Variants in PSMD1 observed in about 807,000 individuals in gnomAD.
The protein encoded by PSMD1 is 26S proteasome non-ATPase regulatory subunit 1.
A neutral mutation model predicts 119.0 loss-of-function variants in PSMD1; 18 were observed. The observed-to-expected ratio is 0.15, with a 90% confidence interval of 0.10 to 0.22. The LOEUF (loss-of-function observed/expected upper bound fraction) is 0.22, where lower values mean the gene tolerates loss of function less well. PSMD1 is among the 10% of genes least tolerant of loss of function. The pLI is 1.00. For missense variants in PSMD1, 702 were observed against 1,158.5 expected (o/e 0.61, Z 5.72); for synonymous variants, 374 against 396.6 (o/e 0.94, Z 0.68).
intron 16 of PSMD1, among the ~76,000 whole-genome samples, chr2:231,105,763 A>T (rs544129840): frequency 6.6e-6 from 1 of 152,276 alleles, no homozygotes; most frequent in South Asian, 2.1e-4. Flanking sequence ...GATCCTCATA[A>T]TTTGAAGAAA....
At chr2:231,127,071 C>T (rs1695741762) in intron 16 of PSMD1, among the ~76,000 whole-genome samples, 1 of 151,878 alleles carries the variant, frequency 6.6e-6, no homozygotes, top group African/African-American at 2.4e-5. Flanking sequence ...AAAACTTTGC[C>T]TCTCCCCCTT....
chr2:231,090,966 G>T lies in PSMD1; in HGVS notation c.1883+3785G>T, dbSNP rs1226702079. Among the ~76,000 whole-genome samples the T allele has an allele frequency of 3.3e-5, 5 of 152,274 alleles. No individual in the cohort carries two copies. In the East Asian group the frequency reaches 5.8e-4, roughly 18 times the overall value. ...GCTGTCGACATTGTTGAAATGTTAG[G>T]TGTAGGAAAAAATAAAAAAGAAGTA... On this transcript the variant is annotated intron_variant, in intron 16 of 24. Coordinates refer to ENST00000308696, the MANE Select transcript of PSMD1 (RefSeq NM_002807.4).
intron 16 of PSMD1, among the ~76,000 whole-genome samples, chr2:231,123,027 A>G (rs996781007): frequency 6.6e-6 from 1 of 152,288 alleles, no homozygotes; most frequent in East Asian, 1.9e-4. Flanking sequence ...AACCCAGCGC[A>G]TATCTGTCCC....
At chr2:231,114,673 A>G (rs1234747969) in intron 16 of PSMD1, among the ~76,000 whole-genome samples, 1 of 152,194 alleles carries the variant, frequency 6.6e-6, no homozygotes, top group African/African-American at 2.4e-5. Context: ...AAACTCTTAT[A>G]AAACACTGCA....
intron 1 of PSMD1, among the ~76,000 whole-genome samples, chr2:231,057,626 C>G (rs1323112196): frequency 6.6e-6 from 1 of 152,224 alleles, no homozygotes; most frequent in African/African-American, 2.4e-5. Context: ...TAAAGACGCC[C>G]TGGAGATACC....
chr2:231,060,384 C>T (rs1231221677), intron 1 of PSMD1: 1 of 152,230 alleles, frequency 6.6e-6, no homozygotes, highest in African/African-American at 2.4e-5. Context: ...GTTGCCTTGA[C>T]ACTTTTTAAT....
At chr2:231,075,982 CTT>C (rs1694153859) in intron 8 of PSMD1, among the ~76,000 whole-genome samples, 2 of 152,056 alleles carry the variant, frequency 1.3e-5, no homozygotes, top group Non-Finnish European at 2.9e-5. Flanking sequence ...TCTATACATG[CTT>C]TTATTAAAGT....
chr2:231,082,507 C>G (rs2125172376), intron 12 of PSMD1, among the ~76,000 whole-genome samples: 1 of 152,272 alleles, frequency 6.6e-6, no homozygotes, highest in South Asian at 2.1e-4. Flanking sequence ...AAGTTACAGA[C>G]CAGCCTGGCC....
At chr2:231,097,645 G>A (rs1032450346) in intron 16 of PSMD1, among the ~76,000 whole-genome samples, 16 of 151,856 alleles carry the variant, frequency 1.1e-4, no homozygotes, top group Non-Finnish European at 1.6e-4. Flanking sequence ...CATTTTTATT[G>A]TCACCCACCA....
chr2:231,077,104 A>T lies in PSMD1; in HGVS notation c.1013A>T (p.His338Leu). The change falls in exon 9 of 25, where the codon CAT (histidine) becomes CTT (leucine). Residue 338 changes from histidine (H) to leucine (L), a missense_variant. This residue lies in a region of PSMD1 where 272 missense variants were observed against 511.6 expected (regional missense o/e 0.53). Transcript: ENST00000308696. ...AGTGGTGAAATGGCTATTGAGTTAC[A>T]TCTGCAGTTCTTAATACGAAACAAT... ...ILSGEMAIEL[H>L]LQFLIRNNNT... The T allele has an allele frequency of 3.1e-6, 5 of 1,598,734 alleles. No homozygotes were observed. Among genetic ancestry groups the T allele is most frequent in the Non-Finnish European group, 4.3e-6 (5 of 1,168,850 alleles).
intron 21 of PSMD1, among the ~76,000 whole-genome samples, chr2:231,164,086 G>A (rs148448685): frequency 1.3e-3 from 191 of 151,998 alleles, no homozygotes; most frequent in African/African-American, 4.3e-3. Context: ...TCCCAGAGCT[G>A]CAAAACAATG....
chr2:231,113,814 G>A (rs1298572891), intron 16 of PSMD1: 4 of 1,613,984 alleles, frequency 2.5e-6, no homozygotes, highest in Admixed American at 3.3e-5. Context: ...GCTTTTTGAT[G>A]GCTATGTAAC....
chr2:231,141,507 G>C (rs962990346), intron 17 of PSMD1, among the ~76,000 whole-genome samples: 1 of 146,650 alleles, frequency 6.8e-6, no homozygotes, highest in Non-Finnish European at 1.5e-5. Context: ...ATAGCTCACT[G>C]CAGCCTCAAT....
At chr2:231,108,360 A>C (rs1401224171) in intron 16 of PSMD1, 1 of 618,246 alleles carries the variant, frequency 1.6e-6, no homozygotes, top group Non-Finnish European at 2.8e-6. Context: ...AATCTTGTCC[A>C]AATTAGGAAA....
chr2:231,145,051 TA>T (rs1696220885), intron 17 of PSMD1, among the ~76,000 whole-genome samples: 2 of 152,236 alleles, frequency 1.3e-5, no homozygotes, highest in South Asian at 4.1e-4. Flanking sequence ...GAAATTTAAG[TA>T]AAGCATGACC....
Position 231,087,055 on chromosome 2 carries a change from A to G in PSMD1, c.1819-62A>G, listed in dbSNP as rs780353187. On this transcript the variant is annotated intron_variant, in intron 15 of 24. Coordinates refer to ENST00000308696, the MANE Select transcript of PSMD1 (RefSeq NM_002807.4). Reference sequence around the variant, plus strand: ...CACTGTTGAATGATGCTGACCTCTCATGTCAGTTTGGTCTAGTGGTAGACT... The same window carrying G: ...CACTGTTGAATGATGCTGACCTCTCGTGTCAGTTTGGTCTAGTGGTAGACT... 145 of 1,386,448 alleles carry G rather than the reference A, an allele frequency of 1.0e-4. 1 individual carries two copies. The highest frequency in any genetic ancestry group is 1.5e-4 in the Non-Finnish European group (142 of 975,488). The allele number at this position is 1,386,448 out of a possible 1,614,324, so 85.9% of individuals were successfully genotyped here.
chr2:231,132,010 T>C (rs1398963157), intron 16 of PSMD1, among the ~76,000 whole-genome samples: 1 of 152,200 alleles, frequency 6.6e-6, no homozygotes, highest in Non-Finnish European at 1.5e-5. Flanking sequence ...CTTTTGAGTT[T>C]ATAGCCTTCA....
Position 231,080,279 on chromosome 2 carries a change from T to C in PSMD1, c.1378T>C (p.Tyr460His). Residue 460 changes from tyrosine (Y) to histidine (H), a missense_variant, in exon 12 of 25, where the codon TAT (tyrosine) becomes CAT (histidine). Coordinates refer to ENST00000308696, the MANE Select transcript of PSMD1 (RefSeq NM_002807.4). ...CAATCATGGTGGTGATATAATTGAC[T>C]ATCTGCTTAATCAGCTTAAGAACGC... is the stretch of plus-strand genomic sequence containing the variant. ...HANHGGDIID[Y>H]LLNQLKNASN... 6.2e-7 allele frequency: 1 copy of C among 1,612,712 alleles called. No individual in the cohort carries two copies. Among genetic ancestry groups the C allele is most frequent in the Non-Finnish European group, 8.5e-7 (1 of 1,179,074 alleles).
Position 231,078,758 on chromosome 2 carries a change from T to C in PSMD1, c.1160+11T>C. 1 of 1,540,736 alleles carries C rather than the reference T, an allele frequency of 6.5e-7. No homozygotes were observed. The highest frequency in any genetic ancestry group is 8.8e-7 in the Non-Finnish European group (1 of 1,139,836). On this transcript the variant is annotated intron_variant, in intron 10 of 24. Coordinates refer to ENST00000308696, the MANE Select transcript of PSMD1 (RefSeq NM_002807.4). ...TGACCAGTTTCTTAGGTAAATATGC[T>C]TGTTGATTTTCACTTTGGTTCAAAA...
Sources: allele counts gnomAD v4.1 joint callset (sites outside exome capture counted in the v4.1 genomes callset), GRCh38; gene constraint gnomAD v4.1.1; regional missense constraint gnomAD v4.1.1; transcripts MANE v1.5; gene names NCBI Gene and HGNC (gene_info 2026-07-23, HGNC 2026-07-21).